The following NXPH2 variants were observed in gnomAD, a reference collection of about 807,000 sequenced individuals.
NXPH2 encodes the protein neurexophilin-2.
Under a neutral mutation model 19.8 loss-of-function variants are expected in NXPH2, and 5 were observed. That is an observed-to-expected ratio of 0.25 (90% CI 0.13 to 0.53). The LOEUF is 0.53. Ranked by LOEUF, NXPH2 falls within the 20% of genes least tolerant of loss-of-function variation. The pLI is 0.96. For synonymous variants in NXPH2, 154 were observed against 127.4 expected, an observed-to-expected ratio of 1.21 and a Z score of -1.41; for missense variants, 289 against 322.8, an observed-to-expected ratio of 0.90 and a Z score of 0.80.
chr2:138,715,896 C>T (rs1681189670), intron 1 of NXPH2, among the ~76,000 whole-genome samples: 1 of 152,096 alleles, frequency 6.6e-6, no homozygotes, highest in East Asian at 1.9e-4. Context: ...CTCTCCATGC[C>T]AGCTATATAG....
chr2:138,756,436 T>A (rs1681909958), intron 1 of NXPH2, among the ~76,000 whole-genome samples: 2 of 149,816 alleles, frequency 1.3e-5, no homozygotes, highest in Admixed American at 1.3e-4. Flanking sequence ...AGAATGTGCT[T>A]AAAATTTTAG....
intron 1 of NXPH2, among the ~76,000 whole-genome samples, chr2:138,696,169 G>A (rs1680826483): frequency 6.6e-6 from 1 of 152,136 alleles, no homozygotes; most frequent in African/African-American, 2.4e-5. Flanking sequence ...CAAAAATGTA[G>A]GCACATGAAC....
intron 1 of NXPH2, among the ~76,000 whole-genome samples, chr2:138,765,855 A>G (rs187084117): frequency 6.6e-6 from 1 of 152,350 alleles, no homozygotes; most frequent in Non-Finnish European, 1.5e-5. Context: ...CGTTTTTATT[A>G]ACCAACCAAT....
intron 1 of NXPH2, among the ~76,000 whole-genome samples, chr2:138,758,843 C>A (rs1224495986): frequency 6.6e-6 from 1 of 152,192 alleles, no homozygotes; most frequent in African/African-American, 2.4e-5. Context: ...CCACTCCAAT[C>A]TTCTGAAAAA....
chr2:138,733,729 C>T (rs1267464156), intron 1 of NXPH2, among the ~76,000 whole-genome samples: 2 of 152,110 alleles, frequency 1.3e-5, no homozygotes, highest in Non-Finnish European at 2.9e-5. Flanking sequence ...TCAAAGGAGG[C>T]TACTGTACCC....
intron 1 of NXPH2, among the ~76,000 whole-genome samples, chr2:138,693,962 G>A (rs1680787328): frequency 6.6e-6 from 1 of 152,150 alleles, no homozygotes; most frequent in African/African-American, 2.4e-5. Context: ...TGCTTAAGCT[G>A]CAAACATGAG....
chr2:138,719,981 T>C (rs1002470395), intron 1 of NXPH2, among the ~76,000 whole-genome samples: 8 of 152,206 alleles, frequency 5.3e-5, no homozygotes, highest in African/African-American at 1.9e-4. Context: ...TGGTACTACA[T>C]GTACCACCTC....
At chr2:138,736,789 G>A (rs112907128) in intron 1 of NXPH2, among the ~76,000 whole-genome samples, 39 of 152,118 alleles carry the variant, frequency 2.6e-4, no homozygotes, top group Admixed American at 4.6e-4. Flanking sequence ...AACAGCATCC[G>A]AGTCACATCT....
intron 1 of NXPH2, among the ~76,000 whole-genome samples, chr2:138,701,877 A>G (rs2104982437): frequency 6.6e-6 from 1 of 152,260 alleles, no homozygotes; most frequent in Admixed American, 6.5e-5. Context: ...GACTCTAGAT[A>G]ACATTTTATT....
chr2:138,727,050 T>C (rs1011549402), intron 1 of NXPH2, among the ~76,000 whole-genome samples: 2 of 152,230 alleles, frequency 1.3e-5, no homozygotes, highest in Non-Finnish European at 2.9e-5. Context: ...CATTTTCAGA[T>C]TGGCTCTTTC....
chr2:138,730,282 A>G lies in NXPH2; in HGVS notation c.51+49909T>C, dbSNP rs548435338. Among the ~76,000 whole-genome samples, 47 of 151,636 alleles carry G rather than the reference A, an allele frequency of 3.1e-4. 1 individual carries two copies. The South Asian group carries it at 9.6e-3, about 31-fold the overall frequency. ...CAATCATAGCTCACTGCAGCCTTCA[A>G]CTCCTGGCCTCAAGTGATCCTCCAG... On this transcript the variant is annotated intron_variant, in intron 1 of 1. Transcript: ENST00000272641.
intron 1 of NXPH2, among the ~76,000 whole-genome samples, chr2:138,752,266 G>A (rs1443000236): frequency 6.6e-6 from 1 of 152,052 alleles, no homozygotes; most frequent in Non-Finnish European, 1.5e-5. Context: ...CTGTCCCGGT[G>A]GGGTTGTGAT....
chr2:138,700,484 A>T (rs1680903185), intron 1 of NXPH2, among the ~76,000 whole-genome samples: 1 of 152,212 alleles, frequency 6.6e-6, no homozygotes, highest in Non-Finnish European at 1.5e-5. Flanking sequence ...AAAGGAAAAA[A>T]GAGAATTTTC....
chr2:138,732,370 T>C (rs1006355912), intron 1 of NXPH2, among the ~76,000 whole-genome samples: 23 of 152,200 alleles, frequency 1.5e-4, no homozygotes, highest in African/African-American at 5.5e-4. Flanking sequence ...AGGAGATGCA[T>C]CTGGGTCTTT....
intron 1 of NXPH2, among the ~76,000 whole-genome samples, chr2:138,760,042 T>G (rs1237946830): frequency 6.6e-6 from 1 of 152,182 alleles, no homozygotes; most frequent in Non-Finnish European, 1.5e-5. Context: ...ACCCTTTTTC[T>G]ATAAAGTGTT....
intron 1 of NXPH2, among the ~76,000 whole-genome samples, chr2:138,762,934 A>G (rs1007484521): frequency 6.6e-6 from 1 of 152,238 alleles, no homozygotes; most frequent in Non-Finnish European, 1.5e-5. Flanking sequence ...ATTATGTTTC[A>G]TTGTATCTAC....
chr2:138,694,521 T>C (rs1383532029), intron 1 of NXPH2, among the ~76,000 whole-genome samples: 1 of 151,950 alleles, frequency 6.6e-6, no homozygotes, highest in African/African-American at 2.4e-5. Flanking sequence ...CAAGGAACAT[T>C]TGGGGCTACC....
intron 1 of NXPH2, among the ~76,000 whole-genome samples, chr2:138,740,885 A>T (rs1681632357): frequency 6.6e-6 from 1 of 151,840 alleles, no homozygotes. Context: ...AATATGGGGG[A>T]AAAGTGCTGA....
At chr2:138,758,657 G>T (rs1338725330) in intron 1 of NXPH2, among the ~76,000 whole-genome samples, 2 of 152,170 alleles carry the variant, frequency 1.3e-5, no homozygotes, top group South Asian at 4.1e-4. Flanking sequence ...GCTTGCATTT[G>T]CAAATTTCCA....
Sources: allele counts gnomAD v4.1 joint callset (sites outside exome capture counted in the v4.1 genomes callset), GRCh38; gene constraint gnomAD v4.1.1; transcripts MANE v1.5; gene names NCBI Gene and HGNC (gene_info 2026-07-23, HGNC 2026-07-21).